LUZP2: variants seen among roughly 807,000 people sequenced by gnomAD.
LUZP2 encodes leucine zipper protein 2.
LUZP2 carries 52 observed loss-of-function variants against 51.6 expected under a neutral mutation model. That is an observed-to-expected ratio of 1.01 (90% CI 0.81 to 1.27). The LOEUF (loss-of-function observed/expected upper bound fraction) is 1.27, where lower values mean the gene tolerates loss of function less well. Among genes scored for constraint, LUZP2 ranks in the 50% most tolerant of loss-of-function variants. The pLI is 0.00. For missense variants in LUZP2, 436 were observed against 395.4 expected, an observed-to-expected ratio of 1.10 and a Z score of -0.87; for synonymous variants, 154 against 137.3, an observed-to-expected ratio of 1.12 and a Z score of -0.85.
intron 5 of LUZP2, among the ~76,000 whole-genome samples, chr11:24,839,441 A>G (rs1161503584): frequency 6.6e-6 from 1 of 151,784 alleles, no homozygotes; most frequent in Non-Finnish European, 1.5e-5. Flanking sequence ...TGACTGAGAT[A>G]GCATAAAAAT....
At chr11:25,052,825 G>T (rs1266746909) in intron 10 of LUZP2, among the ~76,000 whole-genome samples, 1 of 151,798 alleles carries the variant, frequency 6.6e-6, no homozygotes, top group Non-Finnish European at 1.5e-5. Context: ...TCTATTTTGG[G>T]GTGTGTTTTA....
intron 1 of LUZP2, among the ~76,000 whole-genome samples, chr11:24,542,194 T>C (rs893205204): frequency 6.6e-6 from 1 of 151,990 alleles, no homozygotes; most frequent in Non-Finnish European, 1.5e-5. Flanking sequence ...AAATTAAAGA[T>C]GAGATACAGC....
intron 7 of LUZP2, among the ~76,000 whole-genome samples, chr11:24,932,131 G>T (rs1854473501): frequency 6.6e-6 from 1 of 152,206 alleles, no homozygotes; most frequent in South Asian, 2.1e-4. Context: ...CTCAGCCATG[G>T]ATAGCAGCAC....
rs191617655 is a variant in LUZP2, at chr11:24,518,972, T to C, written c.62+21667T>C. Among the ~76,000 whole-genome samples the C allele has an allele frequency of 1.4e-4, 22 of 152,318 alleles. No individual in the cohort carries two copies. In the East Asian group the frequency reaches 3.5e-3, roughly 24 times the overall value. ...ATGCAGATCATACTCTATTTGTTGGTTCAGGTGACGTGAACAAGGACAGTC... is the reference window on the plus strand; with the variant it reads ...ATGCAGATCATACTCTATTTGTTGGCTCAGGTGACGTGAACAAGGACAGTC... On this transcript the variant is annotated intron_variant, in intron 1 of 11. Coordinates refer to ENST00000336930, the MANE Select transcript of LUZP2 (RefSeq NM_001009909.4).
At chr11:24,599,676 T>C (rs1249976890) in intron 1 of LUZP2, among the ~76,000 whole-genome samples, 1 of 152,228 alleles carries the variant, frequency 6.6e-6, no homozygotes, top group African/African-American at 2.4e-5. Flanking sequence ...TTCTCCTCAG[T>C]TACCATATTT....
chr11:25,012,516 CA>C (rs1439360581), intron 9 of LUZP2, among the ~76,000 whole-genome samples: 3 of 152,114 alleles, frequency 2.0e-5, no homozygotes, highest in African/African-American at 7.2e-5. Flanking sequence ...CTGAAGTTCT[CA>C]AAACCCATTA....
At chr11:24,660,453 T>C (rs1407272473) in intron 1 of LUZP2, among the ~76,000 whole-genome samples, 1 of 152,200 alleles carries the variant, frequency 6.6e-6, no homozygotes, top group Non-Finnish European at 1.5e-5. Flanking sequence ...GACTTGTTTC[T>C]AGCATTTTTG....
chr11:24,595,161 G>T, intron 1 of LUZP2, among the ~76,000 whole-genome samples: 1 of 135,688 alleles, frequency 7.4e-6, no homozygotes, highest in African/African-American at 2.8e-5. Context: ...CAATATATAA[G>T]TCCAACTCTA....
chr11:24,808,882 T>C (rs1467414556), intron 5 of LUZP2, among the ~76,000 whole-genome samples: 1 of 152,166 alleles, frequency 6.6e-6, no homozygotes, highest in Non-Finnish European at 1.5e-5. Flanking sequence ...ATATAATCAA[T>C]TCATCAAATA....
At chr11:24,894,421 C>T (rs1471413489) in intron 5 of LUZP2, among the ~76,000 whole-genome samples, 2 of 152,094 alleles carry the variant, frequency 1.3e-5, no homozygotes, top group Non-Finnish European at 2.9e-5. Flanking sequence ...GTGATTCACC[C>T]GCCTCGGCCT....
At chr11:24,868,274 A>T (rs1851956242) in intron 5 of LUZP2, among the ~76,000 whole-genome samples, 1 of 152,144 alleles carries the variant, frequency 6.6e-6, no homozygotes, top group Admixed American at 6.6e-5. Flanking sequence ...TAGCTCTGAT[A>T]TGGCACAAAA....
chr11:24,878,376 C>T (rs1264680363), intron 5 of LUZP2, among the ~76,000 whole-genome samples: 2 of 152,056 alleles, frequency 1.3e-5, no homozygotes, highest in Non-Finnish European at 2.9e-5. Context: ...CCACTCTCTC[C>T]TATCCTGTAA....
At chr11:24,720,634 G>C (rs1448717567) in intron 1 of LUZP2, among the ~76,000 whole-genome samples, 1 of 152,130 alleles carries the variant, frequency 6.6e-6, no homozygotes, top group Non-Finnish European at 1.5e-5. Context: ...GCTCATGTTG[G>C]GAGCTTACTG....
In LUZP2 at chr11:25,071,361, A is replaced by T. The variant is rs550380558; in HGVS notation, c.859-5968A>T. On this transcript the variant is annotated intron_variant, in intron 10 of 11. Transcript: ENST00000336930. ...GTATACATATGTAACAAACCTGTAC[A>T]TTGTGCACATGTACCCTAAAACTTA... is the stretch of plus-strand genomic sequence containing the variant. Among the ~76,000 whole-genome samples the T allele has an allele frequency of 6.0e-5, 9 of 149,558 alleles. 1 individual carries two copies. In the South Asian group the frequency reaches 1.9e-3, roughly 32 times the overall value.
intron 5 of LUZP2, among the ~76,000 whole-genome samples, chr11:24,823,492 T>C: frequency 6.6e-6 from 1 of 152,032 alleles, no homozygotes; most frequent in East Asian, 1.9e-4. Flanking sequence ...TTAAGAATTG[T>C]AAGCAGGCCT....
At chr11:24,752,851 T>C (rs1218678053) in intron 4 of LUZP2, among the ~76,000 whole-genome samples, 8 of 152,102 alleles carry the variant, frequency 5.3e-5, no homozygotes, top group African/African-American at 1.9e-4. Flanking sequence ...AATTTAATAA[T>C]TTAATTTTTA....
Position 24,758,325 on chromosome 11 carries a change from G to A in LUZP2, c.334-4921G>A, listed in dbSNP as rs186727640. On this transcript the variant is annotated intron_variant, in intron 4 of 11. Coordinates refer to ENST00000336930, the MANE Select transcript of LUZP2 (RefSeq NM_001009909.4). ...TTTAACTAATGTGGGAATGACTTGC[G>A]TGTGTGTGTGTGTGTGTGTGTGTAC... 2.7e-3 allele frequency among the ~76,000 whole-genome samples: 203 copies of A among 75,426 alleles called. 1 individual carries two copies. The highest frequency in any genetic ancestry group is 3.7e-3 in the Non-Finnish European group (146 of 39,516). 49.5% of individuals were successfully genotyped at this position (75,426 alleles called of 152,430 possible).
intron 5 of LUZP2, among the ~76,000 whole-genome samples, chr11:24,807,840 C>T (rs79728531): frequency 5.9e-5 from 9 of 152,000 alleles, no homozygotes; most frequent in Middle Eastern, 3.2e-3. Flanking sequence ...AAGGTCAGGG[C>T]GACCATCTTG....
chr11:24,676,329 A>G (rs1856550966), intron 1 of LUZP2, among the ~76,000 whole-genome samples: 3 of 152,210 alleles, frequency 2.0e-5, no homozygotes, highest in Admixed American at 6.5e-5. Context: ...CGGAAAAATC[A>G]AATAAATAAT....
Sources: gnomAD v4.1 joint callset for allele counts (sites outside exome capture counted in the v4.1 genomes callset) on GRCh38, gnomAD v4.1.1 for gene constraint, MANE v1.5 for transcripts, NCBI Gene and HGNC (gene_info 2026-07-23, HGNC 2026-07-21) for gene names.